Variants in DNAH8 observed in about 807,000 individuals in gnomAD.
The protein encoded by DNAH8 is axonemal beta dynein heavy chain 8.
Under a neutral mutation model 562.1 loss-of-function variants are expected in DNAH8, and 382 were observed. That is an observed-to-expected ratio of 0.68 (90% CI 0.63 to 0.74). The LOEUF is 0.74. Among genes scored for constraint, DNAH8 ranks in the 30% least tolerant of loss-of-function variants. The pLI is 0.00. For missense variants in DNAH8, 5,203 were observed against 5,620.4 expected, an observed-to-expected ratio of 0.93 and a Z score of 2.37; for synonymous variants, 1,881 against 1,919.4, an observed-to-expected ratio of 0.98 and a Z score of 0.52.
At chr6:38,772,831 A>G (rs1767699033) in intron 12 of DNAH8, among the ~76,000 whole-genome samples, 1 of 149,880 alleles carries the variant, frequency 6.7e-6, no homozygotes, top group Non-Finnish European at 1.5e-5. Context: ...TATTAAATTA[A>G]AAAAATTGAG....
At chr6:38,805,682 C>A in intron 23 of DNAH8, 86 bp downstream of exon 23, 1 of 693,952 alleles carries the variant, frequency 1.4e-6, no homozygotes, top group Non-Finnish European at 2.4e-6. Flanking sequence ...TTTTTCCAGG[C>A]AGTTCTGCAA....
Position 38,815,530 on chromosome 6 carries a change from G to T in DNAH8, c.3396G>T (p.Leu1132=), listed in dbSNP as rs762542057. ...TTAACCGTATGATCCAGTTAACCCT[G>T]GAGGTCAGCAGAGGAGTGGCTCACT... is the stretch of plus-strand genomic sequence containing the variant. ...QAINRMIQLT[L]EVSRGVAHWG... Residue 1132 remains leucine, a synonymous_variant, in exon 26 of 93, where the codon CTG becomes CTT. Coordinates refer to ENST00000327475, the MANE Select transcript of DNAH8 (RefSeq NM_001206927.2). 1 of 1,613,974 alleles carries T rather than the reference G, an allele frequency of 6.2e-7. No homozygotes were observed. Among genetic ancestry groups the T allele is most frequent in the Non-Finnish European group, 8.5e-7 (1 of 1,179,918 alleles).
intron 24 of DNAH8, among the ~76,000 whole-genome samples, chr6:38,811,932 A>G (rs966901971): frequency 6.6e-6 from 1 of 152,134 alleles, no homozygotes; most frequent in Non-Finnish European, 1.5e-5. Context: ...AGGTTTGGCT[A>G]GGGAGCACAC....
chr6:39,002,674 A>G (rs1765565624), intron 88 of DNAH8, among the ~76,000 whole-genome samples: 1 of 152,232 alleles, frequency 6.6e-6, no homozygotes, highest in Non-Finnish European at 1.5e-5. Flanking sequence ...TCACAGAAAT[A>G]GTAAAAGAAT....
intron 8 of DNAH8, among the ~76,000 whole-genome samples, chr6:38,743,060 C>T (rs1287745196): frequency 1.5e-5 from 2 of 135,838 alleles, no homozygotes; most frequent in African/African-American, 5.6e-5. Context: ...CTCTGTCACC[C>T]AGGCTGGAGT....
At chr6:39,012,158 G>T in intron 89 of DNAH8, 57 bp from the exon 90 acceptor site, 2 of 1,278,776 alleles carry the variant, frequency 1.6e-6, no homozygotes, top group Non-Finnish European at 1.1e-6. Flanking sequence ...AGAGGTTATT[G>T]GAAGAGAAAT....
intron 82 of DNAH8, among the ~76,000 whole-genome samples, chr6:38,969,711 G>A (rs553846405): frequency 6.9e-6 from 1 of 145,536 alleles, no homozygotes. Flanking sequence ...GTGTGTGTGG[G>A]GGGGAGTGGG....
intron 61 of DNAH8, among the ~76,000 whole-genome samples, chr6:38,898,589 C>G (rs1380166029): frequency 6.6e-6 from 1 of 152,154 alleles, no homozygotes; most frequent in Non-Finnish European, 1.5e-5. Flanking sequence ...AAATGTCTTT[C>G]AAGGGCAAAT....
At position 38,921,426 on chromosome 6, in the gene DNAH8, G is replaced by A. The variant is rs1186726315; in HGVS notation, c.10582G>A (p.Ala3528Thr). 2 of 1,613,632 alleles carry A rather than the reference G, an allele frequency of 1.2e-6. No homozygotes were observed. The highest frequency in any genetic ancestry group is 1.7e-6 in the Non-Finnish European group (2 of 1,179,866). The change falls in exon 71 of 93, where the codon GCA becomes ACA. Residue 3528 changes from alanine to threonine, a missense_variant. By Grantham distance (58) the Ala-to-Thr change is moderately conservative. Coordinates refer to ENST00000327475, the MANE Select transcript of DNAH8 (RefSeq NM_001206927.2). ...AGTTGCTAATGCTGAGTTAGGGAAG[G>A]CACAAGCCCTGCTGGATGAGAAGCA... ...LAVANAELGK[A>T]QALLDEKQAE...
intron 22 of DNAH8, 75 bp downstream of exon 22, chr6:38,803,386 A>T: frequency 1.7e-6 from 2 of 1,183,446 alleles, no homozygotes; most frequent in Non-Finnish European, 2.4e-6. Context: ...TCTGCTTAGC[A>T]GGTACTGAAT....
At chr6:38,944,035 AG>A (rs1311967983) in intron 79 of DNAH8, among the ~76,000 whole-genome samples, 3 of 152,154 alleles carry the variant, frequency 2.0e-5, no homozygotes, top group Non-Finnish European at 2.9e-5. Context: ...GGAAACACAA[AG>A]GTAGCTTAGA....
At chr6:38,955,582 G>C (rs990087127) in intron 82 of DNAH8, among the ~76,000 whole-genome samples, 2 of 152,096 alleles carry the variant, frequency 1.3e-5, no homozygotes, top group African/African-American at 4.8e-5. Context: ...AGTGAGCCGA[G>C]ATTGTGCCAT....
intron 23 of DNAH8, among the ~76,000 whole-genome samples, chr6:38,807,000 T>G (rs1283309314): frequency 2.0e-5 from 3 of 152,104 alleles, no homozygotes; most frequent in Non-Finnish European, 4.4e-5. Context: ...CTTGCCCCGA[T>G]GTATGACTCA....
intron 9 of DNAH8, among the ~76,000 whole-genome samples, chr6:38,751,233 G>C (rs1385030433): frequency 6.6e-6 from 1 of 152,200 alleles, no homozygotes; most frequent in Non-Finnish European, 1.5e-5. Context: ...TGCCACGTGG[G>C]CCTCTCCACC....
In DNAH8 at chr6:38,906,568, A is replaced by C. The variant is rs189795690; in HGVS notation, c.9348+161A>C. ...AGCAGATTTTCTGAAGTTCCTGTGA[A>C]ATGAATGCTGCCCATCTCCAGATGC... On this transcript the variant is annotated intron_variant, in intron 63 of 92. Transcript: ENST00000327475. Among the ~76,000 whole-genome samples, 202 of 152,298 alleles carry C rather than the reference A, an allele frequency of 1.3e-3. 1 individual carries two copies. Among genetic ancestry groups the C allele is most frequent in the Non-Finnish European group, 6.2e-4 (42 of 68,044 alleles).
At chr6:38,724,464 T>C (rs779567826) in intron 3 of DNAH8, among the ~76,000 whole-genome samples, 65 of 152,180 alleles carry the variant, frequency 4.3e-4, no homozygotes, top group Non-Finnish European at 7.6e-4. Flanking sequence ...AAATCACTTG[T>C]AGAGAAAAGC....
chr6:38,871,054 A>T lies in DNAH8; in HGVS notation c.6990+492A>T, dbSNP rs545594790. Among the ~76,000 whole-genome samples the T allele has an allele frequency of 3.9e-5, 6 of 152,318 alleles. No homozygotes were observed. The East Asian group carries it at 1.2e-3, about 29-fold the overall frequency. On this transcript the variant is annotated intron_variant, in intron 49 of 92. Coordinates refer to ENST00000327475, the MANE Select transcript of DNAH8 (RefSeq NM_001206927.2). ...CTGTTCATCACATTTCATCCTTGTG[A>T]CAACCATCTAACCACTTGATTGGAT...
At chr6:38,860,664 T>C in intron 43 of DNAH8, 35 bp downstream of exon 43, 1 of 1,410,924 alleles carries the variant, frequency 7.1e-7, no homozygotes, top group Non-Finnish European at 9.5e-7. Context: ...TATTTTGTAA[T>C]TTTAAAATGT....
At chr6:39,011,180 A>G (rs1766189394) in intron 89 of DNAH8, among the ~76,000 whole-genome samples, 1 of 152,148 alleles carries the variant, frequency 6.6e-6, no homozygotes, top group Admixed American at 6.5e-5. Context: ...TGCAGTAAAC[A>G]GAGGTGTCCC....
Sources: gnomAD v4.1 joint callset for allele counts (sites outside exome capture counted in the v4.1 genomes callset) on GRCh38, gnomAD v4.1.1 for gene constraint, MANE v1.5 for transcripts, NCBI Gene and HGNC (gene_info 2026-07-23, HGNC 2026-07-21) for gene names.